Variants in CSF1R observed in about 807,000 individuals in gnomAD.
CSF1R encodes macrophage colony-stimulating factor 1 receptor.
Under a neutral mutation model 110.0 loss-of-function variants are expected in CSF1R, and 40 were observed. The ratio of observed to expected loss-of-function variants is 0.36; its 90% CI spans 0.28 to 0.47. The LOEUF is 0.47. CSF1R is among the 20% of genes least tolerant of loss of function. CSF1R has a pLI of 0.99. For synonymous variants in CSF1R, 523 were observed against 503.4 expected (o/e 1.04, Z -0.52); for missense variants, 1,052 against 1,253.0 (o/e 0.84, Z 2.42).
At chr5:150,081,815 T>C (rs1259800652) in intron 1 of CSF1R, among the ~76,000 whole-genome samples, 2 of 152,054 alleles carry the variant, frequency 1.3e-5, no homozygotes, top group African/African-American at 4.8e-5. Context: ...TTAAGGAAAA[T>C]TTTCTTGAAG....
rs747780303 is a variant in CSF1R at position 150,084,343 on chromosome 5, A to AAAAGAAAGAAAGAAAGAAAGAAAGAAAG, written c.49+2008_49+2035dup. Among the ~76,000 whole-genome samples, 74 of 84,400 alleles carry AAAAGAAAGAAAGAAAGAAAGAAAGAAAG rather than the reference A, an allele frequency of 8.8e-4. 1 individual carries two copies. The highest frequency in any genetic ancestry group is 1.4e-3 in the African/African-American group (33 of 23,828). The allele number at this position is 84,400 out of a possible 152,430, so 55.4% of individuals were successfully genotyped here. ...AAGACTCGGTCTCAAAAAGATAGAA[A>AAAAGAAAGAAAGAAAGAAAGAAAGAAAG]AAAGAAAGAAAGAAAGAAAGAAAGA... On this transcript the variant is annotated intron_variant, in intron 1 of 20. Transcript: ENST00000675795.
chr5:150,080,849 G>A lies in CSF1R; in HGVS notation c.225C>T (p.Thr75=), dbSNP rs781021919. Residue 75 remains threonine (T), a synonymous_variant, in exon 2 of 21, where the codon ACC becomes ACT. Coordinates refer to ENST00000675795, the MANE Select transcript of CSF1R (RefSeq NM_001288705.3). ...AGCGATAGGTCCCCGTGTTTTGGAA[G>A]GTAGCGTTGTTGGTGCTGAGGATGC... ...SSSILSTNNA[T]FQNTGTYRCT... is the part of the protein sequence containing the mutation. The A allele has an allele frequency of 1.3e-4, 206 of 1,614,074 alleles. 2 individuals carry two copies. In the South Asian group the frequency reaches 2.0e-3, roughly 16 times the overall value.
chr5:150,088,970 T>G (rs1758952203), upstream of CSF1R, among the ~76,000 whole-genome samples: 1 of 152,222 alleles, frequency 6.6e-6, no homozygotes, highest in South Asian at 2.1e-4. Context: ...AAAAAAATCC[T>G]CATATGATCA....
Position 150,070,314 on chromosome 5 carries a change from A to T in CSF1R, c.1199-12T>A. 6.2e-7 allele frequency: 1 copy of T among 1,612,926 alleles called. No individual in the cohort carries two copies. The highest frequency in any genetic ancestry group is 8.5e-7 in the Non-Finnish European group (1 of 1,179,288). ...TACCTCTGGGGGGTCTGAGGAAGAA[A>T]GGAGGAGGCCCCAAGTCACACTTTC... On this transcript the variant is annotated splice_polypyrimidine_tract_variant and intron_variant, in intron 7 of 20. Coordinates refer to ENST00000675795, the MANE Select transcript of CSF1R (RefSeq NM_001288705.3).
At chr5:150,070,338 T>G (rs770094478) in intron 7 of CSF1R, 36 bp from the exon 8 acceptor site, 2 of 1,606,302 alleles carry the variant, frequency 1.2e-6, no homozygotes, top group Non-Finnish European at 1.7e-6. Flanking sequence ...AGTCACACTT[T>G]CCCCGCCACC....
chr5:150,102,942 C>A (rs1759448820), intron 1 of CSF1R, among the ~76,000 whole-genome samples: 2 of 152,190 alleles, frequency 1.3e-5, no homozygotes, highest in Non-Finnish European at 2.9e-5. Flanking sequence ...CTTTTCATTT[C>A]TGACTTCTGG....
In CSF1R at chr5:150,109,307, C is replaced by T. The variant is rs79754785; in HGVS notation, c.-181+3954G>A. Among the ~76,000 whole-genome samples, 122 of 152,260 alleles carry T rather than the reference C, an allele frequency of 8.0e-4. 1 individual carries two copies. The East Asian group carries it at 0.022, about 27-fold the overall frequency. On this transcript the variant is annotated intron_variant, in intron 1 of 21. Coordinates refer to the CSF1R transcript ENST00000286301. ...CTCTCACAGGCTAATCGTGAGGATCCGATGGGACCACTGGTAGGAGCACAC... is the reference window on the plus strand; with the variant it reads ...CTCTCACAGGCTAATCGTGAGGATCTGATGGGACCACTGGTAGGAGCACAC...
intron 10 of CSF1R, among the ~76,000 whole-genome samples, chr5:150,063,897 C>T (rs895470861): frequency 5.3e-5 from 8 of 152,218 alleles, no homozygotes; most frequent in Admixed American, 2.6e-4. Flanking sequence ...TCCCTGGGCA[C>T]CCGAGCTAGA....
intron 1 of CSF1R, among the ~76,000 whole-genome samples, chr5:150,106,703 C>T (rs1021941892): frequency 2.0e-5 from 3 of 151,966 alleles, no homozygotes; most frequent in African/African-American, 7.2e-5. Flanking sequence ...CTTACAGGGG[C>T]CTTTGCAATC....
rs894800297 is a variant in CSF1R at position 150,061,062 on chromosome 5, G to A, written c.1859-90C>T. On this transcript the variant is annotated intron_variant, in intron 12 of 20. Transcript: ENST00000675795. ...CATGGGGACCAAATGCAGAGACCCA[G>A]GGGAGAAAGCAGGGCATACCCCAAG... 87 of 934,620 alleles carry A rather than the reference G, an allele frequency of 9.3e-5. 1 individual carries two copies. In the East Asian group the frequency reaches 2.2e-3, roughly 24 times the overall value. 57.9% of individuals were successfully genotyped at this position (934,620 alleles called of 1,614,324 possible).
chr5:150,066,555 CAAAA>C (rs1757784966), intron 10 of CSF1R, among the ~76,000 whole-genome samples: 2 of 152,162 alleles, frequency 1.3e-5, no homozygotes, highest in South Asian at 4.1e-4. Flanking sequence ...GGTTACATGG[CAAAA>C]CAGTGTCAGA....
At chr5:150,077,649 A>C (rs1758329405) in intron 4 of CSF1R, among the ~76,000 whole-genome samples, 1 of 152,186 alleles carries the variant, frequency 6.6e-6, no homozygotes, top group African/African-American at 2.4e-5. Context: ...TGTGTCTGGA[A>C]CACGGCAGGT....
At chr5:150,070,133 G>A (rs372484969) in intron 8 of CSF1R, 49 bp downstream of exon 8, 14 of 1,609,436 alleles carry the variant, frequency 8.7e-6, no homozygotes, top group Non-Finnish European at 5.9e-6. Context: ...CACTCACAGG[G>A]TGCCCAGCCC....
Position 150,054,148 on chromosome 5 carries a change from G to A in CSF1R, c.2840C>T (p.Ser947Phe). 6.2e-7 allele frequency: 1 copy of A among 1,613,752 alleles called. No individual in the cohort carries two copies. Residue 947 changes from serine to phenylalanine, a missense_variant, in exon 21 of 21, where the codon TCT (serine) becomes TTT (phenylalanine). Transcript: ENST00000675795. The stretch of plus-strand genomic sequence containing the variant: ...CTCGCAGCAGGTCAGGTGCTCACTA[G>A]AGCTCTCCTCCTCCAGCTCACTGCT... ...SSSSELEEES[S>F]SEHLTCCEQG...
chr5:150,061,021 G>C (rs759355346), intron 12 of CSF1R, 49 bp from the exon 13 acceptor site: 1 of 1,344,504 alleles, frequency 7.4e-7, no homozygotes, highest in Middle Eastern at 1.8e-4. Flanking sequence ...GCAGGACAGA[G>C]AGCACCACAC....
Position 150,080,174 on chromosome 5 carries a change from GAGA to G in CSF1R, c.467_469del (p.Phe156del). 6.2e-7 allele frequency: 1 copy of G among 1,613,938 alleles called. No individual in the cohort carries two copies. Among genetic ancestry groups the G allele is most frequent in the Non-Finnish European group, 8.5e-7 (1 of 1,180,050 alleles). On this transcript the variant is annotated inframe_deletion, in exon 3 of 21. Coordinates refer to ENST00000675795, the MANE Select transcript of CSF1R (RefSeq NM_001288705.3). Reference sequence around the variant, plus strand: ...GTGGATGGTGAAGCCATGCCAGGGCGAGAAGGAGTAGTTGGTGTGGCGCATGAG... The same window carrying G: ...GTGGATGGTGAAGCCATGCCAGGGCGAGGAGTAGTTGGTGTGGCGCATGAG...
chr5:150,110,580 A>G (rs1759687017), intron 1 of CSF1R, among the ~76,000 whole-genome samples: 1 of 152,250 alleles, frequency 6.6e-6, no homozygotes, highest in African/African-American at 2.4e-5. Flanking sequence ...ATATATTGTT[A>G]AGTGAAAAAC....
chr5:150,108,731 A>G (rs1759622644), intron 1 of CSF1R, among the ~76,000 whole-genome samples: 1 of 152,208 alleles, frequency 6.6e-6, no homozygotes, highest in East Asian at 1.9e-4. Context: ...ATCTAAAACC[A>G]GAGACTGTGG....
Position 150,069,963 on chromosome 5 carries a change from C to A in CSF1R, c.1420G>T (p.Val474Phe). The part of the protein sequence containing the change: ...HKVTVQSLLT[V>F]ETLEHNQTYE... ...GTTTGGTTGTGCTCTAAGGTCTCAA[C>A]AGTCAGCAGGCTCTGCACCGTCACC... is the stretch of plus-strand genomic sequence containing the variant. The change falls in exon 9 of 21, where the codon GTT (valine) becomes TTT (phenylalanine). Residue 474 changes from valine (V) to phenylalanine (F), a missense_variant. Around this residue, in one of 5 missense-constraint regions of CSF1R, gnomAD observed 693 missense variants for 735.4 expected, o/e 0.94. Coordinates refer to ENST00000675795, the MANE Select transcript of CSF1R (RefSeq NM_001288705.3). The A allele has an allele frequency of 6.2e-7, 1 of 1,614,164 alleles. No individual in the cohort carries two copies. Among genetic ancestry groups the A allele is most frequent in the Non-Finnish European group, 8.5e-7 (1 of 1,180,006 alleles).
Sources: gnomAD v4.1 joint callset for allele counts (sites outside exome capture counted in the v4.1 genomes callset) on GRCh38, gnomAD v4.1.1 for gene constraint, gnomAD v4.1.1 regional missense constraint, MANE v1.5 for transcripts, NCBI Gene and HGNC (gene_info 2026-07-23, HGNC 2026-07-21) for gene names.